PPARGC1A: variants seen among roughly 807,000 people sequenced by gnomAD.
The protein encoded by PPARGC1A is peroxisome proliferator-activated receptor gamma coactivator 1-alpha.
Under a neutral mutation model 88.7 loss-of-function variants are expected in PPARGC1A, and 25 were observed. The ratio of observed to expected loss-of-function variants is 0.28; its 90% CI spans 0.21 to 0.39. The LOEUF is 0.39. Ranked by LOEUF, PPARGC1A falls within the 10% of genes least tolerant of loss-of-function variation. The pLI is 1.00. For missense variants in PPARGC1A, 880 were observed against 968.7 expected (o/e 0.91, Z 1.22); for synonymous variants, 363 against 355.6 (o/e 1.02, Z -0.24).
At chr4:24,181,404 T>C in the PPARGC1A span, among the ~76,000 whole-genome samples, 1 of 152,226 alleles carries the variant, frequency 6.6e-6, no homozygotes. Context: ...AGCTACCTTG[T>C]AGAGTTGTTG....
chr4:24,077,208 G>A, the PPARGC1A span, among the ~76,000 whole-genome samples: 1 of 151,872 alleles, frequency 6.6e-6, no homozygotes, highest in Admixed American at 6.6e-5. Context: ...GCCTCTCTTT[G>A]GGTCTGGACC....
At chr4:24,313,121 T>G in the PPARGC1A span, among the ~76,000 whole-genome samples, 13 of 152,280 alleles carry the variant, frequency 8.5e-5, no homozygotes, top group African/African-American at 3.1e-4. Flanking sequence ...AATATTAAAT[T>G]CTTTAAGTGC....
chr4:23,875,560 T>G (rs1370374122), intron 2 of PPARGC1A, among the ~76,000 whole-genome samples: 1 of 151,840 alleles, frequency 6.6e-6, no homozygotes, highest in Non-Finnish European at 1.5e-5. Context: ...GGCTCTTATC[T>G]CCTTGCTTTT....
chr4:24,438,348 C>A, the PPARGC1A span, among the ~76,000 whole-genome samples: 1 of 152,140 alleles, frequency 6.6e-6, no homozygotes, highest in African/African-American at 2.4e-5. Flanking sequence ...GGATTTTCCA[C>A]CAGAGGCGAG....
the PPARGC1A span, among the ~76,000 whole-genome samples, chr4:23,966,985 G>C: frequency 6.6e-6 from 1 of 152,248 alleles, no homozygotes; most frequent in South Asian, 2.1e-4. Context: ...AGAAATCTCT[G>C]TCCCTGCCTA....
the PPARGC1A span, among the ~76,000 whole-genome samples, chr4:24,260,945 C>G: frequency 2.0e-5 from 3 of 152,110 alleles, no homozygotes; most frequent in African/African-American, 4.8e-5. Flanking sequence ...TCCACCTTGA[C>G]GCTTCCCCAA....
At chr4:24,456,707 A>G in the PPARGC1A span, among the ~76,000 whole-genome samples, 1 of 151,962 alleles carries the variant, frequency 6.6e-6, no homozygotes. Flanking sequence ...GCTGGCTAAA[A>G]GGAGTCAGGG....
the PPARGC1A span, among the ~76,000 whole-genome samples, chr4:24,358,781 T>C: frequency 6.6e-6 from 1 of 152,210 alleles, no homozygotes; most frequent in Admixed American, 6.5e-5. Flanking sequence ...GATCACTGCA[T>C]AATGTGAAGA....
At chr4:24,387,104 G>T in the PPARGC1A span, among the ~76,000 whole-genome samples, 3 of 152,272 alleles carry the variant, frequency 2.0e-5, no homozygotes, top group Non-Finnish European at 4.4e-5. Context: ...GACAAAATTT[G>T]ATCTTTGACA....
the PPARGC1A span, among the ~76,000 whole-genome samples, chr4:24,382,396 T>A: frequency 3.3e-5 from 5 of 152,188 alleles, no homozygotes; most frequent in African/African-American, 1.2e-4. Flanking sequence ...TATTTCAAAT[T>A]TTCCCTTAAT....
At chr4:23,962,762 T>C in the PPARGC1A span, among the ~76,000 whole-genome samples, 28 of 152,222 alleles carry the variant, frequency 1.8e-4, no homozygotes, top group Non-Finnish European at 3.1e-4. Context: ...ATAAATGCAA[T>C]TGCCATTAGT....
the PPARGC1A span, among the ~76,000 whole-genome samples, chr4:24,220,812 C>T: frequency 6.6e-6 from 1 of 152,142 alleles, no homozygotes; most frequent in Non-Finnish European, 1.5e-5. Flanking sequence ...AAACCCAAAG[C>T]TCAGCATTAC....
chr4:23,955,436 T>A, the PPARGC1A span, among the ~76,000 whole-genome samples: 17 of 152,214 alleles, frequency 1.1e-4, no homozygotes, highest in African/African-American at 4.1e-4. Flanking sequence ...CATTGTAGGT[T>A]ATTAGTTATT....
At chr4:24,185,319 CAG>C in the PPARGC1A span, among the ~76,000 whole-genome samples, 1 of 152,160 alleles carries the variant, frequency 6.6e-6, no homozygotes, top group East Asian at 1.9e-4. Context: ...ACCTGTGAAA[CAG>C]AGAGGTGGAT....
the PPARGC1A span, among the ~76,000 whole-genome samples, chr4:24,144,076 G>A: frequency 3.9e-5 from 6 of 152,226 alleles, no homozygotes; most frequent in Non-Finnish European, 8.8e-5. Context: ...AAGGGATGAC[G>A]AAGGAAGAAT....
chr4:24,050,941 A>C, the PPARGC1A span, among the ~76,000 whole-genome samples: 1 of 152,136 alleles, frequency 6.6e-6, no homozygotes. Flanking sequence ...TAATCCCAGC[A>C]CTTTGGGAGG....
chr4:24,313,790 T>C, the PPARGC1A span, among the ~76,000 whole-genome samples: 1 of 152,342 alleles, frequency 6.6e-6, no homozygotes, highest in Middle Eastern at 3.4e-3. Flanking sequence ...ATTTCACTGC[T>C]AGGTACATAT....
At chr4:24,297,623 T>G in the PPARGC1A span, among the ~76,000 whole-genome samples, 1 of 152,180 alleles carries the variant, frequency 6.6e-6, no homozygotes, top group Non-Finnish European at 1.5e-5. Flanking sequence ...TTATTTCCAT[T>G]GCAGGAACCA....
At chr4:23,975,922 A>G in the PPARGC1A span, among the ~76,000 whole-genome samples, 3 of 152,236 alleles carry the variant, frequency 2.0e-5, no homozygotes, top group Non-Finnish European at 4.4e-5. Context: ...ACAAATAACC[A>G]TAGTAACTAC....
Sources: allele counts gnomAD v4.1 joint callset (sites outside exome capture counted in the v4.1 genomes callset), GRCh38; gene constraint gnomAD v4.1.1; transcripts MANE v1.5; gene names NCBI Gene and HGNC (gene_info 2026-07-23, HGNC 2026-07-21).